Variants in NUDCD1 observed in about 807,000 individuals in gnomAD.
NUDCD1 encodes NudC domain containing 1.
NUDCD1 carries 60 observed loss-of-function variants against 67.8 expected under a neutral mutation model. The ratio of observed to expected loss-of-function variants is 0.88; its 90% CI spans 0.72 to 1.10. The LOEUF (loss-of-function observed/expected upper bound fraction) is 1.10, where lower values mean the gene tolerates loss of function less well. Ranked by LOEUF, NUDCD1 falls within the 50% of genes least tolerant of loss-of-function variation. The pLI, the probability that NUDCD1 is intolerant of heterozygous loss-of-function variation, is 0.00. For missense variants in NUDCD1, 643 were observed against 695.0 expected, an observed-to-expected ratio of 0.93 and a Z score of 0.84; for synonymous variants, 244 against 230.8, an observed-to-expected ratio of 1.06 and a Z score of -0.52.
chr8:109,318,374 A>G (rs553736729), intron 2 of NUDCD1, among the ~76,000 whole-genome samples: 2 of 152,242 alleles, frequency 1.3e-5, no homozygotes, highest in Non-Finnish European at 2.9e-5. Flanking sequence ...CAAATGCCCT[A>G]TTTGTTAACA....
chr8:109,278,249 CT>C, intron 6 of NUDCD1, among the ~76,000 whole-genome samples: 1 of 152,180 alleles, frequency 6.6e-6, no homozygotes. Flanking sequence ...ATTACTAAGA[CT>C]TGATTTAAAA....
chr8:109,306,397 T>C (rs1462999330), intron 2 of NUDCD1, among the ~76,000 whole-genome samples: 1 of 152,154 alleles, frequency 6.6e-6, no homozygotes, highest in Admixed American at 6.5e-5. Context: ...CACTCTCTCC[T>C]AGCCGTTTCT....
rs34660136 is a variant in NUDCD1 at position 109,271,124 on chromosome 8, T to G, written c.1180A>C (p.Asn394His). Reference protein sequence around the residue: ...MHLTSEELNPNPDKEKPPCNA... With the variant: ...MHLTSEELNPHPDKEKPPCNA... Reference sequence around the variant, plus strand: ...CAAGGTGGTTTTTCTTTATCTGGATTTGGATTCTTAGTCCAGAAAATAAAA... The same window carrying G: ...CAAGGTGGTTTTTCTTTATCTGGATGTGGATTCTTAGTCCAGAAAATAAAA... Residue 394 changes from asparagine (N) to histidine (H), a missense_variant, in exon 8 of 10, where the codon AAT becomes CAT. Coordinates refer to ENST00000239690, the MANE Select transcript of NUDCD1 (RefSeq NM_032869.4). 0.094 allele frequency: 145,475 copies of G among 1,545,976 alleles called. 8,495 individuals carry two copies. The highest frequency in any genetic ancestry group is 0.23 in the South Asian group (19,315 of 82,934).
intron 1 of NUDCD1, among the ~76,000 whole-genome samples, chr8:109,328,475 C>G (rs534924617): frequency 2.1e-4 from 32 of 152,222 alleles, no homozygotes; most frequent in African/African-American, 7.7e-4. Context: ...GCCTCAAGTA[C>G]TCAAGAGTAC....
intron 1 of NUDCD1, 47 bp from the exon 2 acceptor site, chr8:109,322,510 G>C: frequency 6.7e-7 from 1 of 1,492,674 alleles, no homozygotes; most frequent in African/African-American, 1.4e-5. Context: ...TTTTGCCTCA[G>C]ATAGTTTCTA....
intron 1 of NUDCD1, among the ~76,000 whole-genome samples, chr8:109,325,897 G>A (rs1815670994): frequency 2.0e-5 from 3 of 152,210 alleles, no homozygotes; most frequent in Admixed American, 2.0e-4. Flanking sequence ...TCATCTGGTT[G>A]AGAGATAATG....
intron 1 of NUDCD1, among the ~76,000 whole-genome samples, chr8:109,328,719 T>C (rs1815737452): frequency 6.6e-6 from 1 of 152,048 alleles, no homozygotes; most frequent in Admixed American, 6.5e-5. Flanking sequence ...TAACAAATCA[T>C]AAAAGCAAGA....
chr8:109,270,794 C>G (rs1814133363), intron 8 of NUDCD1, among the ~76,000 whole-genome samples: 1 of 151,954 alleles, frequency 6.6e-6, no homozygotes, highest in African/African-American at 2.4e-5. Flanking sequence ...AGAAAAGCAC[C>G]ACTTGAAAGA....
At chr8:109,264,935 T>C (rs1261290791) in intron 8 of NUDCD1, among the ~76,000 whole-genome samples, 3 of 151,742 alleles carry the variant, frequency 2.0e-5, no homozygotes, top group Non-Finnish European at 1.5e-5. Context: ...TTAAAATGAA[T>C]ATTTAAAAAA....
Position 109,296,468 on chromosome 8 carries a change from GGTA to G in NUDCD1, c.372_374del (p.Thr125del), listed in dbSNP as rs1199064248. The G allele has an allele frequency of 6.2e-7, 1 of 1,613,294 alleles. No individual in the cohort carries two copies. Among genetic ancestry groups the G allele is most frequent in the African/African-American group, 1.3e-5 (1 of 74,888 alleles). On this transcript the variant is annotated inframe_deletion, in exon 3 of 10. Transcript: ENST00000239690. ...CAGTTCCATCTGACAAGGTAACCCA[GGTA>G]GAAGATGAGAAATGGATAGATGCAC...
intron 5 of NUDCD1, among the ~76,000 whole-genome samples, chr8:109,285,282 G>A (rs553738376): frequency 8.6e-5 from 13 of 151,834 alleles, no homozygotes; most frequent in African/African-American, 3.1e-4. Flanking sequence ...CAAAAAAATC[G>A]AGAAGGAGGA....
At chr8:109,295,669 T>C (rs1292479405) in intron 3 of NUDCD1, among the ~76,000 whole-genome samples, 1 of 152,156 alleles carries the variant, frequency 6.6e-6, no homozygotes, top group Non-Finnish European at 1.5e-5. Flanking sequence ...CTCGCATCTC[T>C]TTATTTACCC....
At position 109,293,489 on chromosome 8, in the gene NUDCD1, A is replaced by G. The variant is rs1172835548; in HGVS notation, c.495T>C (p.Ile165=). 2 of 1,565,694 alleles carry G rather than the reference A, an allele frequency of 1.3e-6. No homozygotes were observed. Among genetic ancestry groups the G allele is most frequent in the Non-Finnish European group, 1.7e-6 (2 of 1,159,804 alleles). The stretch of plus-strand genomic sequence containing the variant: ...TTAGCAGTGAGATACTGTGAATTAT[A>G]ATAAAAGGATCCCCAAGTTCTTCAT... The part of the protein sequence containing the change: ...MFNEELGDPF[I]IIHSISLLNA... The change falls in exon 4 of 10, where the codon ATT becomes ATC. Residue 165 remains isoleucine (I), a synonymous_variant. Coordinates refer to ENST00000239690, the MANE Select transcript of NUDCD1 (RefSeq NM_032869.4).
intron 1 of NUDCD1, among the ~76,000 whole-genome samples, chr8:109,326,484 AAAG>A (rs1815684413): frequency 6.6e-6 from 1 of 152,238 alleles, no homozygotes; most frequent in African/African-American, 2.4e-5. Context: ...TCTCCCAAAA[AAAG>A]AAGTAGGGGG....
intron 8 of NUDCD1, among the ~76,000 whole-genome samples, chr8:109,258,370 C>T (rs1037029275): frequency 8.6e-5 from 13 of 151,628 alleles, no homozygotes; most frequent in African/African-American, 3.1e-4. Context: ...ACTGTCAAAC[C>T]CACAAAATGC....
chr8:109,269,745 T>C (rs2129944835), intron 8 of NUDCD1, among the ~76,000 whole-genome samples: 1 of 151,998 alleles, frequency 6.6e-6, no homozygotes, highest in South Asian at 2.1e-4. Flanking sequence ...CCTCTGTTGC[T>C]TTTGCTTGGA....
chr8:109,317,942 C>T (rs1354715492), intron 2 of NUDCD1, among the ~76,000 whole-genome samples: 2 of 152,134 alleles, frequency 1.3e-5, no homozygotes, highest in African/African-American at 4.8e-5. Context: ...GTTACCTGTA[C>T]ACTCATATTA....
At chr8:109,252,724 G>C (rs1428119289) in intron 8 of NUDCD1, among the ~76,000 whole-genome samples, 2 of 152,200 alleles carry the variant, frequency 1.3e-5, no homozygotes, top group African/African-American at 4.8e-5. Context: ...AGGTGAACCA[G>C]TGTCCCTATC....
intron 8 of NUDCD1, among the ~76,000 whole-genome samples, chr8:109,270,090 A>AGGGGGG (rs1563665962): frequency 4.6e-3 from 35 of 7,578 alleles, no homozygotes; most frequent in South Asian, 8.1e-3. Flanking sequence ...GGGTGCCTTA[A>AGGGGGG]GGTGGGGTGT....
Sources: gnomAD v4.1 joint callset for allele counts (sites outside exome capture counted in the v4.1 genomes callset) on GRCh38, gnomAD v4.1.1 for gene constraint, MANE v1.5 for transcripts, NCBI Gene and HGNC (gene_info 2026-07-23, HGNC 2026-07-21) for gene names.